The following RBFOX2 variants were observed in gnomAD, a reference collection of about 807,000 sequenced individuals.
RBFOX2 encodes RNA binding fox-1 homolog 2, also known as RNA binding protein fox-1 homolog 2.
Under a neutral mutation model 49.1 loss-of-function variants are expected in RBFOX2, and 10 were observed. The observed-to-expected ratio is 0.20, with a 90% CI of 0.13 to 0.35. The LOEUF (loss-of-function observed/expected upper bound fraction) is 0.35. RBFOX2 is among the 10% of genes least tolerant of loss of function. The probability of loss-of-function intolerance (pLI) is 1.00; values close to 1 mark genes in which losing one functional copy is unlikely to be tolerated. For missense variants in RBFOX2, 323 were observed against 486.9 expected, an observed-to-expected ratio of 0.66 and a Z score of 3.17; for synonymous variants, 183 against 187.4, an observed-to-expected ratio of 0.98 and a Z score of 0.19.
intron 1 of RBFOX2, among the ~76,000 whole-genome samples, chr22:35,868,322 A>G (rs1219595399): frequency 6.6e-6 from 1 of 152,252 alleles, no homozygotes; most frequent in East Asian, 1.9e-4. Context: ...GGCTTGAATC[A>G]AATAAGGACC....
rs957463575 is a variant in RBFOX2 at position 35,994,578 on chromosome 22, T to A, written c.186+33662A>T. On this transcript the variant is annotated intron_variant, in intron 1 of 13. Transcript: ENST00000438146. The stretch of plus-strand genomic sequence containing the variant: ...GTGTCACCATACCCAGTTAATTTTT[T>A]AATTTTTTGTAGAAATGGGGTCTCT... The A allele has an allele frequency of 2.6e-5, 4 of 151,720 alleles. No homozygotes were observed. The East Asian group carries it at 7.7e-4, about 29-fold the overall frequency. The allele number at this position is 151,720 out of a possible 1,614,324, so 9.4% of individuals were successfully genotyped here. A position where few individuals can be genotyped will look rare whatever the true frequency, so the allele number is the denominator to read the frequency against.
chr22:35,741,885 A>T (rs1930136161), exon 12 of RBFOX2: 2 of 152,528 alleles, frequency 1.3e-5, no homozygotes, highest in South Asian at 4.1e-4. Context: ...CTCCCCTGCT[A>T]TGGATAAAAC....
At chr22:35,990,964 C>T (rs1380077198) in intron 1 of RBFOX2, among the ~76,000 whole-genome samples, 1 of 151,686 alleles carries the variant, frequency 6.6e-6, no homozygotes, top group Non-Finnish European at 1.5e-5. Context: ...CAAGGAACAC[C>T]GAAACACCCA....
chr22:35,741,862 T>C (rs1402390263), exon 12 of RBFOX2: 1 of 152,630 alleles, frequency 6.6e-6, no homozygotes, highest in Non-Finnish European at 1.5e-5. Flanking sequence ...ACTCTTAAAC[T>C]CATTCTCCTA....
intron 3 of RBFOX2, among the ~76,000 whole-genome samples, chr22:35,781,232 A>G (rs1945088097): frequency 6.6e-6 from 1 of 152,218 alleles, no homozygotes; most frequent in Admixed American, 6.5e-5. Context: ...TCATTGCTCT[A>G]AAAGAATGTG....
At chr22:35,911,822 C>CTGTTGG (rs2049871219) in intron 1 of RBFOX2, among the ~76,000 whole-genome samples, 1 of 152,102 alleles carries the variant, frequency 6.6e-6, no homozygotes, top group Admixed American at 6.6e-5. Flanking sequence ...CCCATCTCAC[C>CTGTTGG]CCAGCCCTTC....
intron 1 of RBFOX2, among the ~76,000 whole-genome samples, chr22:35,851,614 G>C (rs1170998272): frequency 6.6e-6 from 1 of 151,974 alleles, no homozygotes; most frequent in Non-Finnish European, 1.5e-5. Context: ...ATCACTTGAG[G>C]TCAGGAGTTC....
chr22:35,821,621 A>AG, intron 1 of RBFOX2, among the ~76,000 whole-genome samples: 1 of 146,190 alleles, frequency 6.8e-6, no homozygotes, highest in Non-Finnish European at 1.5e-5. Flanking sequence ...AAAAAAAAAA[A>AG]AAAAAAAAAA....
intron 1 of RBFOX2, among the ~76,000 whole-genome samples, chr22:35,867,081 C>A (rs1014925029): frequency 1.6e-5 from 2 of 123,738 alleles, no homozygotes; most frequent in African/African-American, 8.7e-5. Context: ...CACACATGCA[C>A]ACACACACAC....
intron 1 of RBFOX2, among the ~76,000 whole-genome samples, chr22:35,923,037 G>A (rs1045041729): frequency 2.6e-5 from 4 of 152,208 alleles, no homozygotes; most frequent in Non-Finnish European, 2.9e-5. Flanking sequence ...AGTCCTGCAC[G>A]TGGTGAGGGG....
intron 1 of RBFOX2, among the ~76,000 whole-genome samples, chr22:35,974,756 T>C (rs1222409640): frequency 1.3e-5 from 2 of 152,082 alleles, no homozygotes; most frequent in Non-Finnish European, 2.9e-5. Context: ...ATCCTAACAC[T>C]ACTTTCAACC....
chr22:35,968,136 A>G (rs780406174), intron 1 of RBFOX2, among the ~76,000 whole-genome samples: 3 of 152,208 alleles, frequency 2.0e-5, no homozygotes, highest in Non-Finnish European at 4.4e-5. Flanking sequence ...CAAAAGCCAA[A>G]CTTAAAAAAG....
At chr22:36,019,068 G>C (rs1448775697) in intron 1 of RBFOX2, among the ~76,000 whole-genome samples, 1 of 152,076 alleles carries the variant, frequency 6.6e-6, no homozygotes, top group Non-Finnish European at 1.5e-5. Context: ...ACCAACATAC[G>C]TAACAAAACT....
intron 1 of RBFOX2, chr22:35,997,114 T>G (rs1482351516): frequency 1.3e-5 from 2 of 152,238 alleles, no homozygotes; most frequent in Non-Finnish European, 2.9e-5. Flanking sequence ...CTTAGGAAAC[T>G]AATAAGCATT....
intron 1 of RBFOX2, among the ~76,000 whole-genome samples, chr22:35,953,675 A>G (rs2055222159): frequency 6.6e-6 from 1 of 152,322 alleles, no homozygotes; most frequent in South Asian, 2.1e-4. Flanking sequence ...TTTAACCTCC[A>G]TTAACATTTT....
intron 1 of RBFOX2, among the ~76,000 whole-genome samples, chr22:35,846,330 T>TTTGTGTGTG (rs2041200198): frequency 2.1e-5 from 3 of 140,438 alleles, no homozygotes; most frequent in Non-Finnish European, 4.6e-5. Context: ...ATTTATATAG[T>TTTGTGTGTG]TGTGTGTGTG....
At chr22:35,878,551 A>T (rs2045460121) in intron 1 of RBFOX2, among the ~76,000 whole-genome samples, 1 of 152,086 alleles carries the variant, frequency 6.6e-6, no homozygotes. Flanking sequence ...CTACAGGTGC[A>T]TGCCATCTCC....
At chr22:35,881,354 T>A (rs1238796769) in intron 1 of RBFOX2, among the ~76,000 whole-genome samples, 1 of 151,596 alleles carries the variant, frequency 6.6e-6, no homozygotes. Context: ...GGTGGGAAGA[T>A]CACTTGAGAT....
rs1933983984 is a variant in RBFOX2 at position 35,749,288 on chromosome 22, A to G, written c.888-2727T>C. Among the ~76,000 whole-genome samples the G allele has an allele frequency of 6.6e-6, 1 of 152,242 alleles. No individual in the cohort carries two copies. On this transcript the variant is annotated intron_variant, in intron 9 of 11. Transcript: ENST00000405409. The surrounding 1 kb of genome is among the most constrained non-coding windows in gnomAD (Gnocchi z 4.1). ...AAGGCTCAAGAATATCAGCACTAAG[A>G]AAAAACACATGAAGAGTTTTTTTTA...
Sources: gnomAD v4.1 joint callset for allele counts (sites outside exome capture counted in the v4.1 genomes callset) on GRCh38, gnomAD v4.1.1 for gene constraint, Gnocchi (gnomAD v3.1) non-coding constraint, MANE v1.5 for transcripts, NCBI Gene and HGNC (gene_info 2026-07-23, HGNC 2026-07-21) for gene names.